ADGRL2: variants seen among roughly 807,000 people sequenced by gnomAD.
The protein encoded by ADGRL2 is calcium-independent alpha-latrotoxin receptor 2.
In ADGRL2, 44 loss-of-function variants were observed where a neutral mutation model predicts 157.4. That is an observed-to-expected ratio of 0.28 (90% confidence interval 0.22 to 0.36). ADGRL2 has a LOEUF of 0.36. Ranked by LOEUF, ADGRL2 falls within the 10% of genes least tolerant of loss-of-function variation. The pLI, the probability that ADGRL2 is intolerant of heterozygous loss-of-function variation, is 1.00. For synonymous variants in ADGRL2, 585 were observed against 624.7 expected (o/e 0.94, Z 0.95); for missense variants, 1,510 against 1,768.9 (o/e 0.85, Z 2.63).
intron 2 of ADGRL2, among the ~76,000 whole-genome samples, chr1:81,527,707 G>A (rs751143171): frequency 6.6e-6 from 1 of 150,502 alleles, no homozygotes; most frequent in African/African-American, 2.4e-5. Context: ...GCAAAACTCT[G>A]CCTCAAAAAA....
intron 1 of ADGRL2, among the ~76,000 whole-genome samples, chr1:81,438,379 C>T (rs1438946582): frequency 6.6e-6 from 1 of 152,146 alleles, no homozygotes; most frequent in Non-Finnish European, 1.5e-5. Context: ...TAAATACACA[C>T]ATTCATCACT....
chr1:81,351,250 C>A (rs1224135554), intron 1 of ADGRL2, among the ~76,000 whole-genome samples: 1 of 150,838 alleles, frequency 6.6e-6, no homozygotes, highest in Non-Finnish European at 1.5e-5. Flanking sequence ...TTTTTTTTAA[C>A]CCTCTCTTTT....
At chr1:81,871,078 C>T (rs2093680282) in intron 2 of ADGRL2, among the ~76,000 whole-genome samples, 1 of 110,946 alleles carries the variant, frequency 9.0e-6, no homozygotes, top group Non-Finnish European at 1.8e-5. Context: ...AATGCTATCC[C>T]TCCCCCCTCC....
intron 1 of ADGRL2, among the ~76,000 whole-genome samples, chr1:81,437,358 T>G (rs954480854): frequency 3.5e-4 from 53 of 152,278 alleles, no homozygotes; most frequent in Non-Finnish European, 5.9e-5. Context: ...TTACATGTCC[T>G]AAGTAGTGTC....
intron 2 of ADGRL2, among the ~76,000 whole-genome samples, chr1:81,867,129 G>A (rs1388631187): frequency 1.3e-5 from 2 of 152,078 alleles, no homozygotes; most frequent in African/African-American, 2.4e-5. Flanking sequence ...TTAAAACTGG[G>A]TAGTATAAAA....
chr1:81,529,594 G>A (rs1232011164), intron 2 of ADGRL2, among the ~76,000 whole-genome samples: 1 of 152,214 alleles, frequency 6.6e-6, no homozygotes, highest in East Asian at 1.9e-4. Flanking sequence ...TCTTCAAAAT[G>A]CTGGCATTAT....
intron 11 of ADGRL2, among the ~76,000 whole-genome samples, chr1:81,961,216 A>T (rs1208444071): frequency 6.6e-6 from 1 of 152,216 alleles, no homozygotes; most frequent in Non-Finnish European, 1.5e-5. Context: ...TATTTCAAGC[A>T]TACAGAAAGT....
chr1:81,892,722 C>T (rs1213225100), intron 2 of ADGRL2, among the ~76,000 whole-genome samples: 1 of 152,054 alleles, frequency 6.6e-6, no homozygotes, highest in African/African-American at 2.4e-5. Flanking sequence ...ATATCCAACA[C>T]ATTTATTGAC....
intron 3 of ADGRL2, among the ~76,000 whole-genome samples, chr1:81,648,241 C>T (rs896827851): frequency 6.6e-6 from 1 of 152,190 alleles, no homozygotes; most frequent in African/African-American, 2.4e-5. Context: ...TCAGCAGTGA[C>T]TGTTTCATGC....
At chr1:81,335,915 C>G (rs1254783849) in intron 1 of ADGRL2, among the ~76,000 whole-genome samples, 1 of 152,154 alleles carries the variant, frequency 6.6e-6, no homozygotes, top group South Asian at 2.1e-4. Context: ...CCTTGCAGTG[C>G]TTAGTGGAAA....
rs1553153255 is a variant in ADGRL2, at chr1:81,322,109, T to TAC, written c.-302+15604_-302+15605dup. On this transcript the variant is annotated intron_variant, in intron 1 of 24. Coordinates refer to the ADGRL2 transcript ENST00000370721. ...ATTCATATATATATATATATATATATACACATATATATATACACACACACA... is the reference window on the plus strand; with the variant it reads ...ATTCATATATATATATATATATATATACACACATATATATATACACACACACA... 9.8e-4 allele frequency among the ~76,000 whole-genome samples: 127 copies of TAC among 129,804 alleles called. 1 individual carries two copies. The highest frequency in any genetic ancestry group is 2.3e-3 in the East Asian group (10 of 4,424). 85.2% of individuals were successfully genotyped at this position (129,804 alleles called of 152,430 possible).
At chr1:81,984,828 C>A in intron 20 of ADGRL2, 117 bp downstream of exon 20, 2 of 1,175,656 alleles carry the variant, frequency 1.7e-6, no homozygotes, top group Non-Finnish European at 2.4e-6. Context: ...ATAGCAAATA[C>A]TTGCTTTTTT....
At chr1:81,343,092 C>CTTTT (rs544677891) in intron 1 of ADGRL2, among the ~76,000 whole-genome samples, 3 of 131,150 alleles carry the variant, frequency 2.3e-5, no homozygotes, top group East Asian at 2.2e-4. Flanking sequence ...TTTTTCTTTT[C>CTTTT]TTTTTTTTTT....
At position 81,952,053 on chromosome 1, in the gene ADGRL2, T is replaced by C. The variant is rs554127142; in HGVS notation, c.1705T>C (p.Leu569=). The C allele has an allele frequency of 1.2e-6, 2 of 1,613,566 alleles. No homozygotes were observed. The highest frequency in any genetic ancestry group is 1.1e-5 in the South Asian group (1 of 91,058). ...FAGDVSSSVR[L]MEQLVDILDA... ...TGGGGATGTAAGTTCTTCAGTGAGA[T>C]TGATGGAGCAGTTGGTGGACATCCT... Residue 569 remains leucine, a synonymous_variant, in exon 9 of 24, where the codon TTG becomes CTG. Transcript: ENST00000686636.
intron 2 of ADGRL2, among the ~76,000 whole-genome samples, chr1:81,455,242 C>T (rs2077780182): frequency 6.6e-6 from 1 of 152,134 alleles, no homozygotes; most frequent in Non-Finnish European, 1.5e-5. Context: ...TAACCTGGTA[C>T]CTTCCCTAGA....
intron 3 of ADGRL2, among the ~76,000 whole-genome samples, chr1:81,610,025 G>A (rs1225520621): frequency 6.6e-6 from 1 of 152,148 alleles, no homozygotes; most frequent in East Asian, 1.9e-4. Flanking sequence ...GCCTCCTCTG[G>A]AGTGTGGCCT....
intron 3 of ADGRL2, among the ~76,000 whole-genome samples, chr1:81,918,075 G>C (rs1324202595): frequency 6.6e-6 from 1 of 152,170 alleles, no homozygotes; most frequent in African/African-American, 2.4e-5. Flanking sequence ...CGCATTTAGA[G>C]ATGCAGTTAG....
At chr1:81,929,140 C>T (rs1382303341) in intron 3 of ADGRL2, among the ~76,000 whole-genome samples, 1 of 152,122 alleles carries the variant, frequency 6.6e-6, no homozygotes, top group African/African-American at 2.4e-5. Context: ...TTGTTCAAGG[C>T]GGTAGATTTT....
At chr1:81,870,728 G>C (rs2093669187) in intron 2 of ADGRL2, among the ~76,000 whole-genome samples, 1 of 151,868 alleles carries the variant, frequency 6.6e-6, no homozygotes, top group Non-Finnish European at 1.5e-5. Flanking sequence ...AATTTTACCT[G>C]TATTTTATTC....
Sources: allele counts gnomAD v4.1 joint callset (sites outside exome capture counted in the v4.1 genomes callset), GRCh38; gene constraint gnomAD v4.1.1; transcripts MANE v1.5; gene names NCBI Gene and HGNC (gene_info 2026-07-23, HGNC 2026-07-21).